Variants in BACH2 observed in about 807,000 individuals in gnomAD.
The protein encoded by BACH2 is transcription regulator protein BACH2.
Under a neutral mutation model 61.8 loss-of-function variants are expected in BACH2, and 5 were observed. The observed-to-expected ratio is 0.08, with a 90% CI of 0.04 to 0.17. The LOEUF (loss-of-function observed/expected upper bound fraction) is 0.17. Among genes scored for constraint, BACH2 ranks in the 10% least tolerant of loss-of-function variants. The pLI, the probability that BACH2 is intolerant of heterozygous loss-of-function variation, is 1.00. For synonymous variants in BACH2, 446 were observed against 440.1 expected, an observed-to-expected ratio of 1.01 and a Z score of -0.17; for missense variants, 824 against 1,091.1, an observed-to-expected ratio of 0.76 and a Z score of 3.45.
rs75064096 is a variant in BACH2, at chr6:90,010,436, T to C, written c.-12-1580A>G. Among the ~76,000 whole-genome samples, 484 of 152,376 alleles carry C rather than the reference T, an allele frequency of 3.2e-3. 16 individuals are homozygous for C. In the East Asian group the frequency reaches 0.085, roughly 27 times the overall value. On this transcript the variant is annotated intron_variant, in intron 5 of 8. Transcript: ENST00000257749. ...CATGTTGCTGCATATATCAAGTTTG[T>C]TCCTTTATTACTTAGCATCCTATTG...
chr6:90,172,219 T>C (rs1767837999), intron 4 of BACH2, among the ~76,000 whole-genome samples: 1 of 150,938 alleles, frequency 6.6e-6, no homozygotes, highest in African/African-American at 2.4e-5. Context: ...GGCAGGAGAA[T>C]TGCTTGAACC....
chr6:90,029,653 C>T (rs941263107), intron 5 of BACH2, among the ~76,000 whole-genome samples: 2 of 152,190 alleles, frequency 1.3e-5, no homozygotes, highest in African/African-American at 4.8e-5. Context: ...ACACTCAATA[C>T]ATACTTAATA....
intron 2 of BACH2, among the ~76,000 whole-genome samples, chr6:90,265,523 T>C (rs1582548059): frequency 6.6e-6 from 1 of 152,336 alleles, no homozygotes; most frequent in South Asian, 2.1e-4. Context: ...ATAGTGCATC[T>C]ATCCTGAACA....
intron 6 of BACH2, among the ~76,000 whole-genome samples, chr6:89,954,682 G>A (rs569312433): frequency 1.7e-4 from 26 of 151,942 alleles, no homozygotes; most frequent in Admixed American, 7.9e-4. Context: ...GCAAGGAGCT[G>A]GAGAAAGCAT....
chr6:90,043,493 TC>T (rs1779639470), intron 5 of BACH2, among the ~76,000 whole-genome samples: 2 of 150,702 alleles, frequency 1.3e-5, no homozygotes, highest in Non-Finnish European at 3.0e-5. Flanking sequence ...CCTTCCTCTC[TC>T]CCTCCCTCCC....
intron 2 of BACH2, among the ~76,000 whole-genome samples, chr6:90,262,176 C>T (rs1412157444): frequency 6.6e-6 from 1 of 152,144 alleles, no homozygotes; most frequent in Non-Finnish European, 1.5e-5. Flanking sequence ...CTCCATGTTC[C>T]CAAACTCTCA....
rs777497346 is a variant in BACH2, at chr6:90,288,493, T to A, written c.-446+7987A>T. Among the ~76,000 whole-genome samples, 5 of 152,158 alleles carry A rather than the reference T, an allele frequency of 3.3e-5. No homozygotes were observed. The East Asian group carries it at 9.7e-4, about 29-fold the overall frequency. On this transcript the variant is annotated intron_variant, in intron 1 of 8. Coordinates refer to ENST00000257749, the MANE Select transcript of BACH2 (RefSeq NM_021813.4). The stretch of plus-strand genomic sequence containing the variant: ...TAATGTTTCAAGTGGCTCCTGAGAA[T>A]GATGCTTCTTGACTAAAGATGACAA...
chr6:89,992,327 T>A (rs1776621568), intron 6 of BACH2, among the ~76,000 whole-genome samples: 1 of 152,194 alleles, frequency 6.6e-6, no homozygotes, highest in Non-Finnish European at 1.5e-5. Context: ...TTTTTCTGCT[T>A]AAAAATATAT....
chr6:90,243,578 C>A (rs957851553), intron 3 of BACH2, among the ~76,000 whole-genome samples: 1 of 152,166 alleles, frequency 6.6e-6, no homozygotes, highest in African/African-American at 2.4e-5. Context: ...GCATTATGGT[C>A]TTTACATAAC....
At chr6:89,956,943 C>T (rs1774458499) in intron 6 of BACH2, among the ~76,000 whole-genome samples, 1 of 152,180 alleles carries the variant, frequency 6.6e-6, no homozygotes, top group South Asian at 2.1e-4. Flanking sequence ...TGGCACGCTT[C>T]TCAAGGTCCC....
Position 90,163,147 on chromosome 6 carries a change from T to A in BACH2, c.-162+43422A>T, listed in dbSNP as rs536789637. 2.5e-4 allele frequency among the ~76,000 whole-genome samples: 38 copies of A among 152,268 alleles called. No homozygotes were observed. In the South Asian group the frequency reaches 7.9e-3, roughly 32 times the overall value. ...TTTGGCAGAATTCTCTAGCGGAGAT[T>A]TAAAAGAAAATATCTCGTGGCAGTA... On this transcript the variant is annotated intron_variant, in intron 4 of 8. Coordinates refer to ENST00000257749, the MANE Select transcript of BACH2 (RefSeq NM_021813.4).
At chr6:89,955,446 G>T (rs1774374517) in intron 6 of BACH2, among the ~76,000 whole-genome samples, 1 of 152,188 alleles carries the variant, frequency 6.6e-6, no homozygotes, top group Admixed American at 6.5e-5. Flanking sequence ...AGGCTGAGGG[G>T]ACTAGCAAGG....
intron 6 of BACH2, among the ~76,000 whole-genome samples, chr6:89,993,999 A>C (rs929335764): frequency 4.6e-5 from 7 of 152,172 alleles, no homozygotes; most frequent in South Asian, 2.1e-4. Flanking sequence ...ATCCTTGAAG[A>C]AGCAGCTACT....
intron 2 of BACH2, among the ~76,000 whole-genome samples, chr6:90,270,895 C>T (rs144658671): frequency 0.012 from 1,784 of 152,200 alleles, 47 homozygotes; most frequent in African/African-American, 0.041. Flanking sequence ...ACCAATGGAA[C>T]AGAACAGAGA....
At chr6:90,063,378 A>T (rs184215421) in intron 5 of BACH2, among the ~76,000 whole-genome samples, 1 of 152,240 alleles carries the variant, frequency 6.6e-6, no homozygotes, top group Non-Finnish European at 1.5e-5. Context: ...ATCACATCAC[A>T]TTACATTATG....
intron 4 of BACH2, among the ~76,000 whole-genome samples, chr6:90,189,707 C>G (rs1246432892): frequency 2.0e-5 from 3 of 151,718 alleles, no homozygotes; most frequent in African/African-American, 7.3e-5. Flanking sequence ...TTTTTCTTCC[C>G]TACCAGAAGG....
intron 5 of BACH2, among the ~76,000 whole-genome samples, chr6:90,011,932 A>ACGTGTG (rs1554227954): frequency 8.8e-6 from 1 of 114,282 alleles, no homozygotes; most frequent in Admixed American, 9.4e-5. Context: ...AAAAAAAAAT[A>ACGTGTG]TGTGTGTGTG....
At chr6:89,967,075 T>C (rs2128360287) in intron 6 of BACH2, among the ~76,000 whole-genome samples, 1 of 152,280 alleles carries the variant, frequency 6.6e-6, no homozygotes, top group East Asian at 1.9e-4. Flanking sequence ...GACTGGTTGG[T>C]TGTGTCCAGT....
At chr6:90,148,964 C>T (rs919659095) in intron 4 of BACH2, among the ~76,000 whole-genome samples, 6 of 152,066 alleles carry the variant, frequency 3.9e-5, no homozygotes, top group Non-Finnish European at 8.8e-5. Flanking sequence ...ATTTGAGAGA[C>T]GAAGAACCAA....
Sources: gnomAD v4.1 joint callset for allele counts (sites outside exome capture counted in the v4.1 genomes callset) on GRCh38, gnomAD v4.1.1 for gene constraint, MANE v1.5 for transcripts, NCBI Gene and HGNC (gene_info 2026-07-23, HGNC 2026-07-21) for gene names.